The following ITPR1 variants were observed in gnomAD, a reference collection of about 807,000 sequenced individuals.
ITPR1 encodes the protein inositol 1,4,5-trisphosphate-gated calcium channel ITPR1.
In ITPR1, 96 loss-of-function variants were observed where a neutral mutation model predicts 318.4. The observed-to-expected ratio is 0.30, with a 90% CI of 0.26 to 0.36. ITPR1 has a LOEUF of 0.36. ITPR1 is among the 10% of genes least tolerant of loss of function. The pLI is 1.00. For synonymous variants in ITPR1, 1,312 were observed against 1,289.9 expected (o/e 1.02, Z -0.37); for missense variants, 2,440 against 3,460.2 (o/e 0.71, Z 7.40).
At chr3:4,815,990 A>G (rs2049274771) in intron 59 of ITPR1, among the ~76,000 whole-genome samples, 1 of 63,822 alleles carries the variant, frequency 1.6e-5, no homozygotes, top group Non-Finnish European at 3.8e-5. Flanking sequence ...CTTTATACAC[A>G]CACACACACA....
In ITPR1 at chr3:4,768,781, G is replaced by T. The variant is rs760267707; in HGVS notation, c.5979+17G>T. The T allele has an allele frequency of 6.2e-7, 1 of 1,601,596 alleles. No homozygotes were observed. Among genetic ancestry groups the T allele is most frequent in the South Asian group, 1.1e-5 (1 of 90,438 alleles). On this transcript the variant is annotated intron_variant, in intron 46 of 61. Transcript: ENST00000649015. ...GACCTGCAGGTGAGGGCCTGGGGGT[G>T]GGGGCGTGGAGGGAGCTCGGGAAAG...
intron 39 of ITPR1, among the ~76,000 whole-genome samples, chr3:4,715,765 A>G (rs2041720892): frequency 6.6e-6 from 1 of 152,196 alleles, no homozygotes; most frequent in Admixed American, 6.5e-5. Context: ...AGGCAGGAGA[A>G]TTACTTGAAC....
intron 37 of ITPR1, among the ~76,000 whole-genome samples, chr3:4,708,555 T>A (rs2094806412): frequency 6.6e-6 from 1 of 152,212 alleles, no homozygotes; most frequent in Non-Finnish European, 1.5e-5. Flanking sequence ...GCGGGAGGGA[T>A]GTTGTAGACT....
At position 4,685,220 on chromosome 3, in the gene ITPR1, C is replaced by G; in HGVS notation, c.3702+14C>G. 6.3e-7 allele frequency: 1 copy of G among 1,587,928 alleles called. No homozygotes were observed. Among genetic ancestry groups the G allele is most frequent in the Non-Finnish European group, 8.5e-7 (1 of 1,170,306 alleles). On this transcript the variant is annotated intron_variant, in intron 30 of 61. Transcript: ENST00000649015. Reference sequence around the variant, plus strand: ...CCCTATGAGAAGGTGAGCGGTGCCTCATGCACAGCAGCTGCTCTCAGGATG... The same window carrying G: ...CCCTATGAGAAGGTGAGCGGTGCCTGATGCACAGCAGCTGCTCTCAGGATG...
chr3:4,645,728 G>A lies in ITPR1; in HGVS notation c.855G>A (p.Glu285=). 6.2e-7 allele frequency: 1 copy of A among 1,612,026 alleles called. No homozygotes were observed. The highest frequency in any genetic ancestry group is 8.5e-7 in the Non-Finnish European group (1 of 1,179,658). The change falls in exon 10 of 62, where the codon GAG becomes GAA. Residue 285 remains glutamate (E), a splice_region_variant and synonymous_variant. Coordinates refer to ENST00000649015, the MANE Select transcript of ITPR1 (RefSeq NM_001378452.1). ...GTTCAAAAGCCCTGTGGGAGGTGGAGGTAAGGGTAGGGTGGAGAAAGGGCT... is the reference window on the plus strand; with the variant it reads ...GTTCAAAAGCCCTGTGGGAGGTGGAAGTAAGGGTAGGGTGGAGAAAGGGCT... ...ATSSKALWEV[E]VVQHDPCRGG... is the part of the protein sequence containing the mutation.
At chr3:4,629,793 T>C (rs1489376417) in intron 5 of ITPR1, among the ~76,000 whole-genome samples, 1 of 152,102 alleles carries the variant, frequency 6.6e-6, no homozygotes, top group African/African-American at 2.4e-5. Flanking sequence ...GAGGGTGTGA[T>C]ACAGTGGTCA....
chr3:4,765,158 C>T (rs1272353398), intron 44 of ITPR1, among the ~76,000 whole-genome samples: 1 of 152,126 alleles, frequency 6.6e-6, no homozygotes, highest in Non-Finnish European at 1.5e-5. Context: ...GTGAAGGCCT[C>T]AATGACATGG....
intron 41 of ITPR1, among the ~76,000 whole-genome samples, chr3:4,726,139 C>G (rs554362725): frequency 2.6e-5 from 4 of 152,266 alleles, no homozygotes; most frequent in African/African-American, 9.6e-5. Flanking sequence ...AAGTGATTCT[C>G]CTGCCTCAGC....
intron 4 of ITPR1, among the ~76,000 whole-genome samples, chr3:4,554,698 G>C (rs1008485036): frequency 5.8e-5 from 7 of 120,580 alleles, no homozygotes; most frequent in Admixed American, 9.8e-5. Flanking sequence ...CTAGAATCAT[G>C]ATGGGGGCCA....
In ITPR1 at chr3:4,768,712, C is replaced by G; in HGVS notation, c.5927C>G (p.Pro1976Arg). Reference sequence around the variant, plus strand: ...AGCGCGGTCATCACCATCATGCAGCCCATCCTCCGCTTCCTTCAGCTCCTG... The same window carrying G: ...AGCGCGGTCATCACCATCATGCAGCGCATCCTCCGCTTCCTTCAGCTCCTG... ...EMSAVITIMQ[P>R]ILRFLQLLCE... is the part of the protein sequence containing the mutation. The change falls in exon 46 of 62, where the codon CCC becomes CGC. Residue 1976 changes from proline (P) to arginine (R), a missense_variant. Transcript: ENST00000649015. 1 of 1,613,752 alleles carries G rather than the reference C, an allele frequency of 6.2e-7. No homozygotes were observed. The highest frequency in any genetic ancestry group is 8.5e-7 in the Non-Finnish European group (1 of 1,179,830).
At chr3:4,783,355 CTT>C (rs1174308309) in intron 50 of ITPR1, among the ~76,000 whole-genome samples, 5 of 152,156 alleles carry the variant, frequency 3.3e-5, no homozygotes, top group Non-Finnish European at 7.4e-5. Flanking sequence ...CCGTCCACCT[CTT>C]TTAAACTCAG....
chr3:4,533,847 G>A (rs1287784724), intron 4 of ITPR1, among the ~76,000 whole-genome samples: 1 of 152,172 alleles, frequency 6.6e-6, no homozygotes, highest in Non-Finnish European at 1.5e-5. Flanking sequence ...TGCTCGAGAT[G>A]GTAATCCTGC....
chr3:4,627,347 C>T (rs1413676173), intron 4 of ITPR1, among the ~76,000 whole-genome samples: 1 of 152,038 alleles, frequency 6.6e-6, no homozygotes, highest in Non-Finnish European at 1.5e-5. Flanking sequence ...GCCTGTAGTC[C>T]CAGCTACTCA....
chr3:4,669,866 G>C (rs2094035068), intron 19 of ITPR1, 93 bp downstream of exon 19: 4 of 1,258,334 alleles, frequency 3.2e-6, no homozygotes, highest in Non-Finnish European at 3.1e-6. Flanking sequence ...CATTTTTTGA[G>C]TTGATCTAAA....
rs2046419738 is a variant in ITPR1 at position 4,775,302 on chromosome 3, T to C, written c.6040T>C (p.Phe2014Leu). 6.2e-7 allele frequency: 1 copy of C among 1,614,080 alleles called. No individual in the cohort carries two copies. Among genetic ancestry groups the C allele is most frequent in the Non-Finnish European group, 8.5e-7 (1 of 1,179,934 alleles). Residue 2014 changes from phenylalanine to leucine, a missense_variant, in exon 47 of 62, where the codon TTT (phenylalanine) becomes CTT (leucine). This residue lies in a region of ITPR1 where 76 missense variants were observed against 162.1 expected (regional missense o/e 0.47). Transcript: ENST00000649015. ...CAATTTGGTATGTGAGACCCTGCAG[T>C]TTCTGGACTGTATTTGTGGAAGCAC... is the stretch of plus-strand genomic sequence containing the variant. ...NYNLVCETLQ[F>L]LDCICGSTTG...
Position 4,556,334 on chromosome 3 carries a change from C to T in ITPR1, c.163+35240C>T, listed in dbSNP as rs372433793. ...AGTATCACCCAGAGACCATCATTTACGTTAAGGTTCATTCTCGAAGTCATA... is the reference window on the plus strand; with the variant it reads ...AGTATCACCCAGAGACCATCATTTATGTTAAGGTTCATTCTCGAAGTCATA... On this transcript the variant is annotated intron_variant, in intron 4 of 61. Transcript: ENST00000649015. Among the ~76,000 whole-genome samples, 32 of 152,160 alleles carry T rather than the reference C, an allele frequency of 2.1e-4. No homozygotes were observed. The East Asian group carries it at 3.7e-3, about 17-fold the overall frequency.
At chr3:4,504,431 G>A (rs981448196) in intron 2 of ITPR1, among the ~76,000 whole-genome samples, 1 of 152,146 alleles carries the variant, frequency 6.6e-6, no homozygotes, top group Non-Finnish European at 1.5e-5. Flanking sequence ...TTCTGAGTTG[G>A]TGACTTCCTT....
At position 4,691,783 on chromosome 3, in the gene ITPR1, C is replaced by A. The variant is rs139974090; in HGVS notation, c.4029+439C>A. 1.7e-3 allele frequency among the ~76,000 whole-genome samples: 255 copies of A among 152,292 alleles called. 2 individuals are homozygous for A. Among genetic ancestry groups the A allele is most frequent in the Middle Eastern group, 6.8e-3 (2 of 294 alleles). ...TCTGTGGAATCAAGGAAAAGCCTTA[C>A]TTGGTTTATTATGAATTCACTTTGA... On this transcript the variant is annotated intron_variant, in intron 32 of 61. Coordinates refer to ENST00000649015, the MANE Select transcript of ITPR1 (RefSeq NM_001378452.1).
At chr3:4,538,409 A>G (rs2084078604) in intron 4 of ITPR1, among the ~76,000 whole-genome samples, 1 of 152,210 alleles carries the variant, frequency 6.6e-6, no homozygotes, top group African/African-American at 2.4e-5. Flanking sequence ...GATGCTGGTG[A>G]GGTTGTAGAG....
Sources: allele counts gnomAD v4.1 joint callset (sites outside exome capture counted in the v4.1 genomes callset), GRCh38; gene constraint gnomAD v4.1.1; regional missense constraint gnomAD v4.1.1; transcripts MANE v1.5; gene names NCBI Gene and HGNC (gene_info 2026-07-23, HGNC 2026-07-21).